Variants in STXBP4 observed in about 807,000 individuals in gnomAD.
STXBP4 encodes syntaxin-binding protein 4.
A neutral mutation model predicts 76.1 loss-of-function variants in STXBP4; 55 were observed. The observed-to-expected ratio is 0.72, with a 90% CI of 0.58 to 0.91. The LOEUF is 0.91. Among genes scored for constraint, STXBP4 ranks in the 40% least tolerant of loss-of-function variants. The pLI is 0.00. For missense variants in STXBP4, 618 were observed against 636.9 expected (o/e 0.97, Z 0.32); for synonymous variants, 201 against 220.2 (o/e 0.91, Z 0.77).
At chr17:55,202,883 G>A in the STXBP4 span, among the ~76,000 whole-genome samples, 1 of 152,106 alleles carries the variant, frequency 6.6e-6, no homozygotes, top group South Asian at 2.1e-4. Context: ...ACTTTAAGTA[G>A]TCTGGAGGAT....
rs575951455 is a variant in STXBP4 at position 55,104,844 on chromosome 17, G to A, written c.1489+23661G>A. The stretch of plus-strand genomic sequence containing the variant: ...TACTCAGGGATTCAACTTCTTCCTG[G>A]TTTAGACTTGGAAGGGTGTACATGT... On this transcript the variant is annotated intron_variant, in intron 16 of 17. Transcript: ENST00000376352. Among the ~76,000 whole-genome samples the A allele has an allele frequency of 9.9e-5, 15 of 152,238 alleles. No individual in the cohort carries two copies. The South Asian group carries it at 2.7e-3, about 27-fold the overall frequency.
chr17:55,069,153 CAA>C (rs991465831), intron 12 of STXBP4, among the ~76,000 whole-genome samples: 99 of 75,804 alleles, frequency 1.3e-3, no homozygotes, highest in Admixed American at 2.9e-3. Flanking sequence ...TCAGTGTTGC[CAA>C]AAAAAAAAAA....
At chr17:55,101,559 A>G (rs1222506793) in intron 16 of STXBP4, among the ~76,000 whole-genome samples, 2 of 152,196 alleles carry the variant, frequency 1.3e-5, no homozygotes, top group East Asian at 3.9e-4. Flanking sequence ...TTGATACTCA[A>G]TGATTAATGA....
At chr17:55,001,443 T>C (rs2077913588) in intron 7 of STXBP4, among the ~76,000 whole-genome samples, 1 of 152,074 alleles carries the variant, frequency 6.6e-6, no homozygotes, top group East Asian at 1.9e-4. Flanking sequence ...AAATAAAGAT[T>C]TTTATGTGGC....
At chr17:55,150,654 A>G (rs1035055629) in intron 17 of STXBP4, among the ~76,000 whole-genome samples, 12 of 152,128 alleles carry the variant, frequency 7.9e-5, no homozygotes, top group African/African-American at 2.9e-4. Context: ...TTCATGCTAA[A>G]CGTTTAGCAA....
chr17:54,996,077 A>G (rs1598174153), intron 4 of STXBP4, among the ~76,000 whole-genome samples: 1 of 151,952 alleles, frequency 6.6e-6, no homozygotes, highest in Non-Finnish European at 1.5e-5. Flanking sequence ...AGGACCATAC[A>G]GAGTAAGTGC....
At chr17:55,025,156 AT>A (rs2078389540) in intron 8 of STXBP4, among the ~76,000 whole-genome samples, 1 of 152,126 alleles carries the variant, frequency 6.6e-6, no homozygotes, top group Admixed American at 6.6e-5. Context: ...AAAAAATTTA[AT>A]TTAATTTAAA....
In STXBP4 at chr17:55,000,884, G is replaced by A; in HGVS notation, c.574+1G>A. The A allele has an allele frequency of 6.4e-7, 1 of 1,562,364 alleles. No individual in the cohort carries two copies. Among genetic ancestry groups the A allele is most frequent in the African/African-American group, 1.4e-5 (1 of 73,736 alleles). ...AGTACTGTGGGTTTGTCTAATACAGGTAAATACACATTTAATTTCTATTTC... is the reference window on the plus strand; with the variant it reads ...AGTACTGTGGGTTTGTCTAATACAGATAAATACACATTTAATTTCTATTTC... On this transcript the variant is annotated splice_donor_variant, in intron 7 of 17. Transcript: ENST00000376352. LOFTEE classifies it high-confidence loss of function.
rs147538622 is a variant in STXBP4 at position 55,058,176 on chromosome 17, G to A, written c.1011+11022G>A. On this transcript the variant is annotated intron_variant, in intron 12 of 17. Coordinates refer to ENST00000376352, the MANE Select transcript of STXBP4 (RefSeq NM_178509.6). ...ACTAATTTACACTCCCACCAACAGC[G>A]TAAAAGCATTCCTATTTCTCTACAT... 2.9e-3 allele frequency among the ~76,000 whole-genome samples: 449 copies of A among 152,266 alleles called. 9 individuals are homozygous for A. Among genetic ancestry groups the A allele is most frequent in the East Asian group, 0.025 (131 of 5,178 alleles).
the STXBP4 span, among the ~76,000 whole-genome samples, chr17:55,208,288 T>A: frequency 6.6e-6 from 1 of 152,028 alleles, no homozygotes; most frequent in Non-Finnish European, 1.5e-5. Context: ...AACAGTGTTG[T>A]TGACTTGACT....
intron 15 of STXBP4, among the ~76,000 whole-genome samples, chr17:55,079,217 G>A (rs1396546903): frequency 4.6e-5 from 7 of 152,000 alleles, no homozygotes; most frequent in Non-Finnish European, 8.8e-5. Flanking sequence ...AATATACCTC[G>A]ATTGTCTCAT....
At chr17:55,052,425 A>G (rs1016929818) in intron 12 of STXBP4, among the ~76,000 whole-genome samples, 1 of 152,212 alleles carries the variant, frequency 6.6e-6, no homozygotes, top group Non-Finnish European at 1.5e-5. Context: ...TTAATTAATT[A>G]ATAGGGAGAA....
At chr17:55,004,792 A>C (rs1425805503) in intron 7 of STXBP4, among the ~76,000 whole-genome samples, 1 of 151,894 alleles carries the variant, frequency 6.6e-6, no homozygotes, top group Non-Finnish European at 1.5e-5. Flanking sequence ...GAAGGAAAAG[A>C]AGTGGGGAGA....
intron 13 of STXBP4, among the ~76,000 whole-genome samples, chr17:55,075,710 T>C (rs1186165519): frequency 6.6e-6 from 1 of 152,198 alleles, no homozygotes; most frequent in Non-Finnish European, 1.5e-5. Context: ...AATCTGGTAG[T>C]TGTAATAAGT....
intron 7 of STXBP4, among the ~76,000 whole-genome samples, chr17:55,003,155 A>G (rs1005628485): frequency 3.3e-5 from 5 of 152,196 alleles, no homozygotes; most frequent in Non-Finnish European, 5.9e-5. Flanking sequence ...TTAAGGAAGC[A>G]CCACAAATAA....
intron 8 of STXBP4, among the ~76,000 whole-genome samples, chr17:55,015,471 C>T (rs1172395518): frequency 6.6e-6 from 1 of 152,180 alleles, no homozygotes; most frequent in Non-Finnish European, 1.5e-5. Flanking sequence ...TCTGATTTAG[C>T]AGTAACATTA....
intron 8 of STXBP4, among the ~76,000 whole-genome samples, chr17:55,018,684 C>A (rs367864193): frequency 1.3e-5 from 2 of 151,740 alleles, no homozygotes; most frequent in African/African-American, 4.8e-5. Flanking sequence ...TTGGGATAGG[C>A]GGTGGAGTTA....
At chr17:55,159,116 G>A (rs575772221) in intron 17 of STXBP4, among the ~76,000 whole-genome samples, 200 of 152,160 alleles carry the variant, frequency 1.3e-3, no homozygotes, top group Middle Eastern at 3.4e-3. Flanking sequence ...GTGGTGGTGC[G>A]CACCTTTAGC....
intron 7 of STXBP4, 35 bp from the exon 8 acceptor site, chr17:55,007,464 CCAATTAA>C (rs1158956240): frequency 1.4e-6 from 2 of 1,442,096 alleles, no homozygotes; most frequent in African/African-American, 2.8e-5. Context: ...AATTTCGATT[CCAATTAA>C]GTTCCCAATT....
Sources: allele counts gnomAD v4.1 joint callset (sites outside exome capture counted in the v4.1 genomes callset), GRCh38; gene constraint gnomAD v4.1.1; transcripts MANE v1.5; gene names NCBI Gene and HGNC (gene_info 2026-07-23, HGNC 2026-07-21).